The following ARL13B variants were observed in gnomAD, a reference collection of about 807,000 sequenced individuals.
ARL13B encodes the protein ADP-ribosylation factor-like protein 13B.
In ARL13B, 36 loss-of-function variants were observed where a neutral mutation model predicts 56.1. That is an observed-to-expected ratio of 0.64 (90% CI 0.49 to 0.85). The LOEUF is 0.85. Ranked by LOEUF, ARL13B falls within the 40% of genes least tolerant of loss-of-function variation. The pLI is 0.00. For synonymous variants in ARL13B, 178 were observed against 171.1 expected (o/e 1.04, Z -0.32); for missense variants, 519 against 507.1 (o/e 1.02, Z -0.23).
intron 7 of ARL13B, among the ~76,000 whole-genome samples, chr3:94,045,472 A>T (rs1220473316): frequency 6.6e-6 from 1 of 151,300 alleles, no homozygotes; most frequent in East Asian, 1.9e-4. Context: ...AGAAAGAAAG[A>T]AAAAAAAGAG....
At chr3:94,023,058 C>T (rs1241269004) in intron 3 of ARL13B, among the ~76,000 whole-genome samples, 2 of 151,886 alleles carry the variant, frequency 1.3e-5, no homozygotes, top group Non-Finnish European at 2.9e-5. Flanking sequence ...TTTATATTCT[C>T]TATTTTTGAT....
At chr3:94,020,298 T>C (rs1032050313) in intron 3 of ARL13B, among the ~76,000 whole-genome samples, 5 of 152,204 alleles carry the variant, frequency 3.3e-5, no homozygotes, top group African/African-American at 1.2e-4. Context: ...TATGTTCTTA[T>C]AAGAACAAGT....
chr3:94,005,380 C>A (rs959177095), intron 3 of ARL13B, among the ~76,000 whole-genome samples: 1 of 152,194 alleles, frequency 6.6e-6, no homozygotes, highest in Non-Finnish European at 1.5e-5. Flanking sequence ...TAGAATGATC[C>A]TAATAGGCCT....
chr3:93,982,488 C>T (rs543476176), intron 1 of ARL13B, among the ~76,000 whole-genome samples: 50 of 152,272 alleles, frequency 3.3e-4, no homozygotes, highest in Admixed American at 1.2e-3. Context: ...AGCATCTTAT[C>T]AGTCTTTTAA....
chr3:94,010,875 T>C (rs1019323986), intron 3 of ARL13B, among the ~76,000 whole-genome samples: 1 of 152,092 alleles, frequency 6.6e-6, no homozygotes, highest in African/African-American at 2.4e-5. Flanking sequence ...TTATCAGTTT[T>C]CATGATAAAC....
chr3:94,027,027 T>C (rs1023087229), intron 3 of ARL13B, among the ~76,000 whole-genome samples: 1 of 152,270 alleles, frequency 6.6e-6, no homozygotes, highest in Admixed American at 6.5e-5. Context: ...CCTTGTACTT[T>C]TAGAAATATG....
chr3:94,028,108 TA>T (rs943264372), intron 3 of ARL13B, among the ~76,000 whole-genome samples: 22 of 152,170 alleles, frequency 1.4e-4, no homozygotes, highest in African/African-American at 5.1e-4. Flanking sequence ...GCTTACTTTT[TA>T]AAAGACTTAA....
chr3:94,029,324 A>ATT (rs1195743875), intron 3 of ARL13B, among the ~76,000 whole-genome samples: 1 of 98,742 alleles, frequency 1.0e-5, no homozygotes, highest in African/African-American at 5.2e-5. Flanking sequence ...ATATATATAT[A>ATT]TATATATATA....
At position 94,024,859 on chromosome 3, in the gene ARL13B, A is replaced by G. The variant is rs377233243; in HGVS notation, c.381-10472A>G. On this transcript the variant is annotated intron_variant, in intron 3 of 9. Coordinates refer to ENST00000394222, the MANE Select transcript of ARL13B (RefSeq NM_001174150.2). Reference sequence around the variant, plus strand: ...CACCTCCGCCTCCCAAAGTGCTGGGATTATAGGCATGAGCTAGTGCACCCA... The same window carrying G: ...CACCTCCGCCTCCCAAAGTGCTGGGGTTATAGGCATGAGCTAGTGCACCCA... 1.2e-4 allele frequency among the ~76,000 whole-genome samples: 19 copies of G among 152,248 alleles called. No homozygotes were observed. The South Asian group carries it at 2.7e-3, about 22-fold the overall frequency.
At position 93,995,321 on chromosome 3, in the gene ARL13B, GT is replaced by G. The variant is rs146246883; in HGVS notation, c.60-543del. ...TCTTCAGTTTTTAAGTTGACTAGGT[GT>G]TTTTTTTTTCCCCCTGTGGAGTTTA... On this transcript the variant is annotated intron_variant, in intron 1 of 9. Coordinates refer to ENST00000394222, the MANE Select transcript of ARL13B (RefSeq NM_001174150.2). Among the ~76,000 whole-genome samples, 48 of 147,992 alleles carry G rather than the reference GT, an allele frequency of 3.2e-4. 1 individual carries two copies. Among genetic ancestry groups the G allele is most frequent in the East Asian group, 3.0e-3 (15 of 5,066 alleles).
chr3:94,006,620 CT>C (rs1465804538), intron 3 of ARL13B, among the ~76,000 whole-genome samples: 1 of 152,112 alleles, frequency 6.6e-6, no homozygotes, highest in Non-Finnish European at 1.5e-5. Flanking sequence ...CAGTTCTTTT[CT>C]TTATTTGATA....
Position 93,980,352 on chromosome 3 carries a change from C to T in ARL13B, c.-72C>T, listed in dbSNP as rs1301796846. 7 of 1,584,122 alleles carry T rather than the reference C, an allele frequency of 4.4e-6. No individual in the cohort carries two copies. Among genetic ancestry groups the T allele is most frequent in the Non-Finnish European group, 4.3e-6 (5 of 1,162,036 alleles). On this transcript the variant is annotated 5_prime_UTR_variant, in exon 1 of 10. Transcript: ENST00000394222. ...TAGGGGCGTCTCGGAGTGCCGGAGG[C>T]CCCCGGGGAAGAGCGGGGTGCCGGT...
At chr3:94,038,510 C>T (rs1576031744) in intron 5 of ARL13B, among the ~76,000 whole-genome samples, 1 of 117,850 alleles carries the variant, frequency 8.5e-6, no homozygotes. Flanking sequence ...TGGTCTCTGG[C>T]TGCTCTTTTT....
intron 3 of ARL13B, among the ~76,000 whole-genome samples, chr3:94,016,356 T>A (rs1052458754): frequency 6.6e-6 from 1 of 152,162 alleles, no homozygotes; most frequent in Admixed American, 6.5e-5. Flanking sequence ...TTGATATGTT[T>A]ATGGAAATAT....
At chr3:94,000,627 G>C (rs1423544616) in intron 2 of ARL13B, among the ~76,000 whole-genome samples, 1 of 151,880 alleles carries the variant, frequency 6.6e-6, no homozygotes, top group South Asian at 2.1e-4. Flanking sequence ...GTATGTGTGT[G>C]TGTGTGTGTG....
intron 1 of ARL13B, among the ~76,000 whole-genome samples, chr3:93,988,238 G>GAAA (rs370248759): frequency 8.3e-6 from 1 of 119,870 alleles, no homozygotes. Context: ...ACAATTCTGT[G>GAAA]AAAAAAAAAA....
Position 94,043,082 on chromosome 3 carries a change from T to G in ARL13B, c.866T>G (p.Leu289Arg). The G allele has an allele frequency of 1.9e-6, 3 of 1,613,432 alleles. No individual in the cohort carries two copies. The highest frequency in any genetic ancestry group is 2.5e-6 in the Non-Finnish European group (3 of 1,179,878). ...KMEKDSDGCH[L>R]KHKMEHEQIE... ...GAGAAAGACAGTGATGGCTGCCACCTGAAACATAAAATGGAGCATGAGCAA... is the reference window on the plus strand; with the variant it reads ...GAGAAAGACAGTGATGGCTGCCACCGGAAACATAAAATGGAGCATGAGCAA... The change falls in exon 7 of 10, where the codon CTG becomes CGG. Residue 289 changes from leucine (L) to arginine (R), a missense_variant. Leu to Arg is a moderately radical substitution (Grantham distance 102, BLOSUM62 -2). Transcript: ENST00000394222.
chr3:93,983,581 T>A (rs547198349), intron 1 of ARL13B, among the ~76,000 whole-genome samples: 1 of 152,194 alleles, frequency 6.6e-6, no homozygotes, highest in African/African-American at 2.4e-5. Context: ...ACTGAGAAAA[T>A]CAAGAGTCAT....
At position 94,054,720 on chromosome 3, in the gene ARL13B, C is replaced by T. The variant is rs949893353; in HGVS notation, c.*1457C>T. ...CTTTAATAATCAGGTCACCTGTACT[C>T]TAGTCAGCACTGTATATATTCTTGG... On this transcript the variant is annotated 3_prime_UTR_variant, in exon 10 of 10. Transcript: ENST00000394222. 1 of 408,628 alleles carries T rather than the reference C, an allele frequency of 2.4e-6. No individual in the cohort carries two copies. Among genetic ancestry groups the T allele is most frequent in the Admixed American group, 2.8e-5 (1 of 35,980 alleles). 25.3% of individuals were successfully genotyped at this position (408,628 alleles called of 1,614,324 possible).
Sources: gnomAD v4.1 joint callset for allele counts (sites outside exome capture counted in the v4.1 genomes callset) on GRCh38, gnomAD v4.1.1 for gene constraint, MANE v1.5 for transcripts, NCBI Gene and HGNC (gene_info 2026-07-23, HGNC 2026-07-21) for gene names.